The following COBL variants were observed in gnomAD, a reference collection of about 807,000 sequenced individuals.
COBL encodes the protein protein cordon-bleu.
COBL carries 51 observed loss-of-function variants against 98.8 expected under a neutral mutation model. That is an observed-to-expected ratio of 0.52 (90% CI 0.41 to 0.65). The LOEUF (loss-of-function observed/expected upper bound fraction) is 0.65. Among genes scored for constraint, COBL ranks in the 30% least tolerant of loss-of-function variants. COBL has a pLI of 0.00. For synonymous variants in COBL, 634 were observed against 651.7 expected (o/e 0.97, Z 0.41); for missense variants, 1,617 against 1,617.5 (o/e 1.00, Z 0.01).
chr7:51,253,581 AGAGT>A (rs1358863182), intron 1 of COBL, among the ~76,000 whole-genome samples: 2 of 152,248 alleles, frequency 1.3e-5, no homozygotes, highest in African/African-American at 4.8e-5. Flanking sequence ...AGTGAAAAGG[AGAGT>A]GAGAGAATTC....
chr7:51,274,999 C>T (rs552107004), intron 1 of COBL, among the ~76,000 whole-genome samples: 2 of 152,336 alleles, frequency 1.3e-5, no homozygotes, highest in Admixed American at 1.3e-4. Context: ...AAATACAAAT[C>T]ATCTGGCCGT....
rs1801974945 is a variant in COBL, at chr7:51,301,609, C to T, written c.41+14984G>A. ...GGTCTAATATTCGAAGAACAATCTT[C>T]CTCTGTAAGCAAGCTGCTCCTCTGC... On this transcript the variant is annotated intron_variant, in intron 1 of 12. Coordinates refer to ENST00000265136, the MANE Select transcript of COBL (RefSeq NM_015198.5). 2.0e-5 allele frequency among the ~76,000 whole-genome samples: 3 copies of T among 152,356 alleles called. No individual in the cohort carries two copies. The South Asian group carries it at 6.2e-4, about 32-fold the overall frequency.
At chr7:51,063,580 ACAG>A (rs1164732114) in intron 7 of COBL, among the ~76,000 whole-genome samples, 1 of 152,244 alleles carries the variant, frequency 6.6e-6, no homozygotes, top group African/African-American at 2.4e-5. Flanking sequence ...AGGTCTGCAG[ACAG>A]CAGTAGGAGG....
intron 1 of COBL, among the ~76,000 whole-genome samples, chr7:51,256,205 T>A (rs934593618): frequency 2.0e-5 from 3 of 152,034 alleles, no homozygotes; most frequent in Non-Finnish European, 4.4e-5. Context: ...TGACTCCTCA[T>A]CATATTGCCC....
chr7:51,141,811 C>T lies in COBL; in HGVS notation c.784-5480G>A, dbSNP rs1799777447. Among the ~76,000 whole-genome samples the T allele has an allele frequency of 2.0e-5, 3 of 152,086 alleles. No individual in the cohort carries two copies. The South Asian group carries it at 6.2e-4, about 32-fold the overall frequency. On this transcript the variant is annotated intron_variant, in intron 5 of 12. Transcript: ENST00000265136. ...CCCTGGGGTCTGTTGGGCAGAGCAG[C>T]TCAGGTCTGTCAAAGCTCCTGGTGA...
chr7:51,082,090 T>C (rs971576578), intron 7 of COBL, among the ~76,000 whole-genome samples: 45 of 152,126 alleles, frequency 3.0e-4, no homozygotes, highest in Middle Eastern at 3.2e-3. Flanking sequence ...CCAACAATTA[T>C]CTTCTTTACC....
chr7:51,019,838 T>G (rs1347697825), intron 12 of COBL, among the ~76,000 whole-genome samples: 1 of 152,220 alleles, frequency 6.6e-6, no homozygotes, highest in Non-Finnish European at 1.5e-5. Context: ...CACATCCTGA[T>G]AGAAATTGCT....
At chr7:51,285,918 T>C (rs996893400) in intron 1 of COBL, among the ~76,000 whole-genome samples, 9 of 152,118 alleles carry the variant, frequency 5.9e-5, no homozygotes, top group Non-Finnish European at 1.0e-4. Context: ...AGACTGACAA[T>C]CAAGAAATAG....
At chr7:51,114,738 A>G (rs1797126482) in intron 6 of COBL, among the ~76,000 whole-genome samples, 1 of 152,158 alleles carries the variant, frequency 6.6e-6, no homozygotes, top group African/African-American at 2.4e-5. Context: ...AGAGTTCCTC[A>G]AGTTGGAATT....
At chr7:51,304,813 T>G (rs1037624151) in intron 1 of COBL, among the ~76,000 whole-genome samples, 1 of 152,182 alleles carries the variant, frequency 6.6e-6, no homozygotes, top group Non-Finnish European at 1.5e-5. Context: ...AATCATCTCA[T>G]AAAACCCTGC....
At chr7:51,297,165 G>T (rs1022851077) in intron 1 of COBL, among the ~76,000 whole-genome samples, 4 of 152,104 alleles carry the variant, frequency 2.6e-5, no homozygotes, top group Admixed American at 6.6e-5. Context: ...CACCGGGGAA[G>T]AATCCCACCC....
intron 12 of COBL, chr7:51,022,511 C>A (rs1429913213): frequency 6.6e-6 from 1 of 152,238 alleles, no homozygotes; most frequent in Non-Finnish European, 1.5e-5. Flanking sequence ...GTGGCCTGTG[C>A]ATTTCTCCCC....
At chr7:51,108,938 ACACACACACACACACACACC>A (rs764934839) in intron 6 of COBL, among the ~76,000 whole-genome samples, 6 of 106,918 alleles carry the variant, frequency 5.6e-5, no homozygotes, top group Admixed American at 9.9e-5. Flanking sequence ...ACACACACAC[ACACACACACACACACACACC>A]CCCTGCCCCA....
intron 1 of COBL, among the ~76,000 whole-genome samples, chr7:51,254,987 C>T (rs184814182): frequency 1.0e-3 from 158 of 152,276 alleles, no homozygotes; most frequent in African/African-American, 3.6e-3. Context: ...GTATCCCTCC[C>T]CACTCAATTA....
At chr7:51,168,274 C>T (rs1355855516) in intron 5 of COBL, among the ~76,000 whole-genome samples, 1 of 152,028 alleles carries the variant, frequency 6.6e-6, no homozygotes, top group African/African-American at 2.4e-5. Flanking sequence ...GTAGCTTACG[C>T]CTGTACTCCC....
chr7:51,126,042 G>A lies in COBL; in HGVS notation c.957+10116C>T, dbSNP rs188558389. ...TAGTTTTTTTCTCTTAAAATATGGT[G>A]TTCAGGCTGAGTGTGGTGGCTCACA... On this transcript the variant is annotated intron_variant, in intron 6 of 12. Coordinates refer to ENST00000265136, the MANE Select transcript of COBL (RefSeq NM_015198.5). 8.1e-4 allele frequency among the ~76,000 whole-genome samples: 123 copies of A among 152,282 alleles called. 1 individual carries two copies. The highest frequency in any genetic ancestry group is 1.2e-4 in the Non-Finnish European group (8 of 68,020).
chr7:51,306,572 T>C (rs571864708), intron 1 of COBL, among the ~76,000 whole-genome samples: 1 of 152,288 alleles, frequency 6.6e-6, no homozygotes, highest in East Asian at 1.9e-4. Context: ...CATCAGCCAG[T>C]ATCAGGCAGA....
intron 1 of COBL, among the ~76,000 whole-genome samples, chr7:51,306,845 CA>C (rs1802520606): frequency 6.6e-6 from 1 of 152,172 alleles, no homozygotes; most frequent in African/African-American, 2.4e-5. Flanking sequence ...CTTTTCATGG[CA>C]AAATGCTGCT....
At chr7:51,094,432 T>C (rs188757270) in intron 6 of COBL, among the ~76,000 whole-genome samples, 54 of 152,286 alleles carry the variant, frequency 3.5e-4, no homozygotes, top group Non-Finnish European at 5.7e-4. Context: ...ATTAGCTTGA[T>C]TGAATATTTT....
Sources: gnomAD v4.1 joint callset for allele counts (sites outside exome capture counted in the v4.1 genomes callset) on GRCh38, gnomAD v4.1.1 for gene constraint, MANE v1.5 for transcripts, NCBI Gene and HGNC (gene_info 2026-07-23, HGNC 2026-07-21) for gene names.